The following WWOX variants were observed in gnomAD, a reference collection of about 807,000 sequenced individuals.
The protein encoded by WWOX is WW domain-containing oxidoreductase.
Under a neutral mutation model 46.2 loss-of-function variants are expected in WWOX, and 69 were observed. The ratio of observed to expected loss-of-function variants is 1.49; its 90% CI spans 1.23 to 1.82. WWOX has a LOEUF of 1.82. Among genes scored for constraint, WWOX ranks in the 40% most tolerant of loss-of-function variants. WWOX has a pLI of 0.00. For synonymous variants in WWOX, 359 were observed against 202.6 expected (o/e 1.77, Z -6.56); for missense variants, 919 against 542.6 (o/e 1.69, Z -6.89).
At chr16:78,753,801 CAAAAAAAA>C (rs869066028) in intron 8 of WWOX, among the ~76,000 whole-genome samples, 334 of 29,068 alleles carry the variant, frequency 0.011, 16 homozygotes, top group South Asian at 0.016. Flanking sequence ...GACCCTATAT[CAAAAAAAA>C]AAAAAAAAAA....
intron 7 of WWOX, among the ~76,000 whole-genome samples, chr16:78,428,473 G>T (rs1346550925): frequency 6.6e-6 from 1 of 152,168 alleles, no homozygotes; most frequent in Non-Finnish European, 1.5e-5. Flanking sequence ...CACCCTTACA[G>T]GGAAGGGCTC....
intron 8 of WWOX, among the ~76,000 whole-genome samples, chr16:78,690,255 AAAT>A (rs1597449775): frequency 6.6e-6 from 1 of 152,122 alleles, no homozygotes; most frequent in Admixed American, 6.5e-5. Context: ...GTGAACACAT[AAAT>A]AATGTTTGTT....
chr16:78,946,848 T>G (rs888908794), intron 8 of WWOX, among the ~76,000 whole-genome samples: 1 of 151,924 alleles, frequency 6.6e-6, no homozygotes, highest in Non-Finnish European at 1.5e-5. Flanking sequence ...GGCGTCACGG[T>G]GTAAGAATGG....
At chr16:79,156,869 A>G (rs961509058) in intron 8 of WWOX, among the ~76,000 whole-genome samples, 1 of 148,200 alleles carries the variant, frequency 6.7e-6, no homozygotes, top group African/African-American at 2.6e-5. Flanking sequence ...TGAAGGAAAG[A>G]AAAAACAAAA....
intron 8 of WWOX, among the ~76,000 whole-genome samples, chr16:78,517,842 T>C (rs2043269924): frequency 6.8e-6 from 1 of 147,836 alleles, no homozygotes; most frequent in Non-Finnish European, 1.5e-5. Context: ...AAAAGAATGA[T>C]GTTACACAAC....
chr16:78,852,810 T>C (rs2052479326), intron 8 of WWOX, among the ~76,000 whole-genome samples: 1 of 152,214 alleles, frequency 6.6e-6, no homozygotes, highest in Non-Finnish European at 1.5e-5. Context: ...ACCTGTTTCT[T>C]GAGGTTAAAA....
intron 8 of WWOX, among the ~76,000 whole-genome samples, chr16:78,673,356 T>C (rs1369860777): frequency 6.6e-6 from 1 of 152,178 alleles, no homozygotes; most frequent in Non-Finnish European, 1.5e-5. Context: ...GCTAGGAAAC[T>C]CTTCGCCTCT....
In WWOX at chr16:78,745,457, A is replaced by G. The variant is rs558942438; in HGVS notation, c.1056+312705A>G. Among the ~76,000 whole-genome samples, 354 of 151,444 alleles carry G rather than the reference A, an allele frequency of 2.3e-3. 2 individuals are homozygous for G. Among genetic ancestry groups the G allele is most frequent in the African/African-American group, 8.1e-3 (335 of 41,206 alleles). On this transcript the variant is annotated intron_variant, in intron 8 of 8. Coordinates refer to ENST00000566780, the MANE Select transcript of WWOX (RefSeq NM_016373.4). ...TTCTCCCTCAACATTGACCTAGGTC[A>G]GAAGGACCCTATTTTAATGTTTAGC...
chr16:79,074,984 C>A (rs75052689), intron 8 of WWOX, among the ~76,000 whole-genome samples: 169 of 152,280 alleles, frequency 1.1e-3, no homozygotes, highest in African/African-American at 3.8e-3. Context: ...CTCTCAACTT[C>A]TACACATTCG....
At chr16:79,010,358 G>T (rs1236101102) in intron 8 of WWOX, among the ~76,000 whole-genome samples, 1 of 152,144 alleles carries the variant, frequency 6.6e-6, no homozygotes. Context: ...CTTTAACTCA[G>T]TGGCAGCTTC....
At chr16:78,639,928 C>T (rs1349202373) in intron 8 of WWOX, among the ~76,000 whole-genome samples, 2 of 152,110 alleles carry the variant, frequency 1.3e-5, no homozygotes, top group Admixed American at 1.3e-4. Flanking sequence ...CTAATGTCAA[C>T]TGTGGAGGGA....
chr16:78,125,965 TAAAA>T (rs958361195), intron 4 of WWOX, among the ~76,000 whole-genome samples: 9 of 152,124 alleles, frequency 5.9e-5, no homozygotes, highest in African/African-American at 2.2e-4. Context: ...ATAAAAGATT[TAAAA>T]AAACCCCAAT....
intron 6 of WWOX, among the ~76,000 whole-genome samples, chr16:78,422,810 C>CAT (rs200411920): frequency 0.15 from 17,929 of 119,546 alleles, 3,424 homozygotes; most frequent in African/African-American, 0.47. Context: ...TATACACACA[C>CAT]ATATATATAC....
At chr16:78,544,841 C>T (rs72803941) in intron 8 of WWOX, among the ~76,000 whole-genome samples, 1 of 152,190 alleles carries the variant, frequency 6.6e-6, no homozygotes, top group East Asian at 1.9e-4. Context: ...CTCCACTGCA[C>T]TCTAGCATGC....
chr16:78,765,485 C>T (rs1041508096), intron 8 of WWOX, among the ~76,000 whole-genome samples: 1 of 152,106 alleles, frequency 6.6e-6, no homozygotes, highest in Non-Finnish European at 1.5e-5. Flanking sequence ...TCGAGACCAG[C>T]CTGGCCAACA....
intron 4 of WWOX, among the ~76,000 whole-genome samples, chr16:78,125,085 A>G (rs1462074414): frequency 6.6e-6 from 1 of 152,212 alleles, no homozygotes; most frequent in Non-Finnish European, 1.5e-5. Flanking sequence ...TTTTACCCTT[A>G]CCTCTACAAT....
chr16:78,570,828 A>G (rs993474988), intron 8 of WWOX, among the ~76,000 whole-genome samples: 5 of 152,160 alleles, frequency 3.3e-5, no homozygotes, highest in Admixed American at 6.5e-5. Context: ...AATGAATGGC[A>G]GGGGAGAAGG....
intron 8 of WWOX, among the ~76,000 whole-genome samples, chr16:78,548,536 G>C (rs1307343314): frequency 6.6e-6 from 1 of 152,142 alleles, no homozygotes; most frequent in Non-Finnish European, 1.5e-5. Flanking sequence ...GTACATCACT[G>C]CCTCATTGGA....
chr16:78,449,886 G>A (rs964519726), intron 8 of WWOX, among the ~76,000 whole-genome samples: 3 of 149,936 alleles, frequency 2.0e-5, no homozygotes, highest in Non-Finnish European at 4.4e-5. Flanking sequence ...AAACTAGCCA[G>A]AAAGCGTGAA....
Sources: gnomAD v4.1 joint callset for allele counts (sites outside exome capture counted in the v4.1 genomes callset) on GRCh38, gnomAD v4.1.1 for gene constraint, MANE v1.5 for transcripts, NCBI Gene and HGNC (gene_info 2026-07-23, HGNC 2026-07-21) for gene names.